Variants in IL1RAPL1 observed in about 807,000 individuals in gnomAD.
IL1RAPL1 encodes interleukin 1 receptor accessory protein like 1.
In IL1RAPL1, 3 loss-of-function variants were observed where a neutral mutation model predicts 48.4. The ratio of observed to expected loss-of-function variants is 0.06; its 90% CI spans 0.03 to 0.16. IL1RAPL1 has a LOEUF of 0.16. IL1RAPL1 is among the 10% of genes least tolerant of loss of function. The pLI is 1.00. For synonymous variants in IL1RAPL1, 185 were observed against 187.7 expected, an observed-to-expected ratio of 0.99 and a Z score of 0.12; for missense variants, 349 against 530.6, an observed-to-expected ratio of 0.66 and a Z score of 3.36.
chrX:29,101,862 G>C (rs1257942501), intron 2 of IL1RAPL1, among the ~76,000 whole-genome samples: 1 of 111,110 alleles, frequency 9.0e-6, no homozygotes, highest in African/African-American at 3.3e-5. Context: ...GCTTGAACCC[G>C]GGAGGCGGAG....
chrX:29,520,723 T>C (rs1425206394), intron 5 of IL1RAPL1, among the ~76,000 whole-genome samples: 1 of 111,683 alleles, frequency 9.0e-6, no homozygotes, highest in African/African-American at 3.2e-5. Context: ...TTATTATTAT[T>C]ATTATCTTTA....
intron 5 of IL1RAPL1, among the ~76,000 whole-genome samples, chrX:29,534,700 G>A (rs1354382121): frequency 9.0e-6 from 1 of 110,777 alleles, no homozygotes; most frequent in African/African-American, 3.3e-5. Context: ...CGGGCGCGGT[G>A]GCTCATGCCT....
chrX:29,388,974 T>C (rs1013308545), intron 3 of IL1RAPL1, among the ~76,000 whole-genome samples: 1 of 112,350 alleles, frequency 8.9e-6, no homozygotes, highest in Non-Finnish European at 1.9e-5. Flanking sequence ...TCAAACAGCA[T>C]ACAGCTTACT....
intron 2 of IL1RAPL1, among the ~76,000 whole-genome samples, chrX:28,893,296 G>A (rs1213340998): frequency 1.8e-5 from 2 of 111,646 alleles, no homozygotes; most frequent in African/African-American, 6.5e-5. Context: ...TCCTTTTTAA[G>A]TTGGTGGCTG....
At position 29,891,393 on chromosome X, in the gene IL1RAPL1, G is replaced by A. The variant is rs755578277; in HGVS notation, c.779-26071G>A. Among the ~76,000 whole-genome samples the A allele has an allele frequency of 2.7e-5, 3 of 111,462 alleles. No homozygotes were observed. The South Asian group carries it at 1.1e-3, about 43-fold the overall frequency. ...GCTTTTCCAAATGGCCATCAGCAGG[G>A]ACTAATGGTGGTCACTATTAGTCTT... On this transcript the variant is annotated intron_variant, in intron 6 of 10. Coordinates refer to ENST00000378993, the MANE Select transcript of IL1RAPL1 (RefSeq NM_014271.4).
chrX:28,699,234 C>A (rs1935268238), intron 1 of IL1RAPL1, among the ~76,000 whole-genome samples: 1 of 111,980 alleles, frequency 8.9e-6, no homozygotes, highest in South Asian at 3.6e-4. Context: ...ATAGTATTCC[C>A]TGTATTCTAT....
intron 2 of IL1RAPL1, among the ~76,000 whole-genome samples, chrX:28,831,816 C>T (rs1243377340): frequency 9.0e-6 from 1 of 110,828 alleles, no homozygotes; most frequent in African/African-American, 3.3e-5. Context: ...AAGTACTTCT[C>T]ATTTTAATAT....
chrX:29,769,922 A>C (rs1929018803), intron 6 of IL1RAPL1, among the ~76,000 whole-genome samples: 1 of 106,988 alleles, frequency 9.3e-6, no homozygotes. Context: ...GCCGCCAAAC[A>C]GTTTTTCAAA....
intron 2 of IL1RAPL1, among the ~76,000 whole-genome samples, chrX:29,113,038 C>G (rs2067898233): frequency 9.0e-6 from 1 of 110,849 alleles, no homozygotes; most frequent in African/African-American, 3.3e-5. Flanking sequence ...GTCTCGAACT[C>G]CTGACCTCGT....
At chrX:29,791,196 A>G (rs1164793310) in intron 6 of IL1RAPL1, among the ~76,000 whole-genome samples, 3 of 110,024 alleles carry the variant, frequency 2.7e-5, no homozygotes, top group Non-Finnish European at 5.7e-5. Context: ...TTACTTGTTT[A>G]TTTATTTGTT....
intron 1 of IL1RAPL1, among the ~76,000 whole-genome samples, chrX:28,760,799 A>G (rs1469612774): frequency 9.0e-6 from 1 of 111,094 alleles, no homozygotes; most frequent in Non-Finnish European, 1.9e-5. Context: ...AAAAGTCAAA[A>G]AAGATTGGCT....
intron 6 of IL1RAPL1, among the ~76,000 whole-genome samples, chrX:29,803,549 G>T (rs1367522394): frequency 2.0e-5 from 2 of 98,111 alleles, no homozygotes. Flanking sequence ...ATATGTATAT[G>T]TGTGTATATA....
intron 2 of IL1RAPL1, among the ~76,000 whole-genome samples, chrX:29,001,483 C>A (rs1329111589): frequency 1.8e-5 from 2 of 111,628 alleles, no homozygotes; most frequent in Non-Finnish European, 3.8e-5. Context: ...TTTATTCACA[C>A]TGACCCTGTT....
chrX:28,994,208 G>C (rs984756100), intron 2 of IL1RAPL1, among the ~76,000 whole-genome samples: 1 of 111,562 alleles, frequency 9.0e-6, no homozygotes, highest in Non-Finnish European at 1.9e-5. Flanking sequence ...GGAAGGGTTT[G>C]GGTCTGGAGG....
intron 2 of IL1RAPL1, among the ~76,000 whole-genome samples, chrX:29,077,390 G>C (rs991936234): frequency 1.8e-5 from 2 of 110,796 alleles, no homozygotes; most frequent in Non-Finnish European, 3.8e-5. Context: ...AGATCATGAG[G>C]TCAGGAGTTC....
chrX:28,677,556 T>C (rs1935012229), intron 1 of IL1RAPL1, among the ~76,000 whole-genome samples: 1 of 111,929 alleles, frequency 8.9e-6, no homozygotes, highest in Non-Finnish European at 1.9e-5. Flanking sequence ...TGAGACTGTG[T>C]GTGTCATGCA....
At chrX:29,736,860 C>A (rs2147133154) in intron 6 of IL1RAPL1, among the ~76,000 whole-genome samples, 1 of 111,842 alleles carries the variant, frequency 8.9e-6, no homozygotes, top group South Asian at 3.7e-4. Flanking sequence ...TTGACCCTTA[C>A]AAAATGGACA....
intron 3 of IL1RAPL1, among the ~76,000 whole-genome samples, chrX:29,389,213 G>A (rs1245122238): frequency 1.5e-4 from 16 of 108,793 alleles, no homozygotes; most frequent in African/African-American, 4.4e-4. Flanking sequence ...AAAATTAGCC[G>A]GGCGTGGTGG....
At chrX:28,999,174 C>T (rs946014537) in intron 2 of IL1RAPL1, among the ~76,000 whole-genome samples, 4 of 110,743 alleles carry the variant, frequency 3.6e-5, no homozygotes, top group African/African-American at 1.3e-4. Flanking sequence ...ATAGTCTCAA[C>T]TTCAAACATC....
Sources: allele counts gnomAD v4.1 joint callset (sites outside exome capture counted in the v4.1 genomes callset), GRCh38; gene constraint gnomAD v4.1.1; transcripts MANE v1.5; gene names NCBI Gene and HGNC (gene_info 2026-07-23, HGNC 2026-07-21).